RIMS1: variants seen among roughly 807,000 people sequenced by gnomAD.
RIMS1 encodes regulating synaptic membrane exocytosis 1, also known as regulating synaptic membrane exocytosis protein 1.
In RIMS1, 83 loss-of-function variants were observed where a neutral mutation model predicts 214.1. That is an observed-to-expected ratio of 0.39 (90% confidence interval 0.32 to 0.47). The LOEUF is 0.47. RIMS1 is among the 20% of genes least tolerant of loss of function. RIMS1 has a pLI of 0.99. For synonymous variants in RIMS1, 793 were observed against 786.8 expected, an observed-to-expected ratio of 1.01 and a Z score of -0.13; for missense variants, 2,050 against 2,161.8, an observed-to-expected ratio of 0.95 and a Z score of 1.03.
chr6:72,273,416 A>T (rs886619172), intron 22 of RIMS1, among the ~76,000 whole-genome samples: 2 of 152,134 alleles, frequency 1.3e-5, no homozygotes, highest in African/African-American at 4.8e-5. Context: ...TAGAATTTTC[A>T]TATATAATAA....
At position 72,077,067 on chromosome 6, in the gene RIMS1, C is replaced by A. The variant is rs6900255; in HGVS notation, c.246-19882C>A. ...TGCCTCGTCTGCCCTGACCCAAGCT[C>A]TTTCCTGTCCAGCCTTTGCACGGGC... On this transcript the variant is annotated intron_variant, in intron 2 of 33. Transcript: ENST00000521978. 9.0e-3 allele frequency among the ~76,000 whole-genome samples: 1,376 copies of A among 152,278 alleles called. 19 individuals carry two copies. The highest frequency in any genetic ancestry group is 0.032 in the African/African-American group (1,309 of 41,540).
chr6:71,933,930 C>T (rs1311691805), intron 1 of RIMS1, among the ~76,000 whole-genome samples: 1 of 151,872 alleles, frequency 6.6e-6, no homozygotes, highest in Non-Finnish European at 1.5e-5. Context: ...AAAAGTCCAA[C>T]CTGAACCTCT....
chr6:72,298,230 T>C (rs1390706563), intron 26 of RIMS1, among the ~76,000 whole-genome samples: 1 of 151,992 alleles, frequency 6.6e-6, no homozygotes, highest in African/African-American at 2.4e-5. Context: ...CTCAAAGCAT[T>C]ACTAATGGTA....
Position 72,338,320 on chromosome 6 carries a change from T to A in RIMS1, c.4366+4485T>A, listed in dbSNP as rs527376475. Among the ~76,000 whole-genome samples, 12 of 152,134 alleles carry A rather than the reference T, an allele frequency of 7.9e-5. No homozygotes were observed. In the South Asian group the frequency reaches 2.3e-3, roughly 29 times the overall value. ...AGATGGTATCTGACTGTGGTTTTGA[T>A]TTGCATTTCTCTGATGGCCAGTGAT... On this transcript the variant is annotated intron_variant, in intron 29 of 33. Coordinates refer to ENST00000521978, the MANE Select transcript of RIMS1 (RefSeq NM_014989.7).
At chr6:72,106,004 T>C (rs1285951903) in intron 4 of RIMS1, among the ~76,000 whole-genome samples, 5 of 152,204 alleles carry the variant, frequency 3.3e-5, no homozygotes, top group African/African-American at 1.2e-4. Context: ...AAAAATATGT[T>C]CTAAAGCTTG....
At chr6:71,981,940 C>CT (rs67381172) in intron 2 of RIMS1, among the ~76,000 whole-genome samples, 77,924 of 148,664 alleles carry the variant, frequency 0.52, 20,516 homozygotes, top group East Asian at 0.82. Flanking sequence ...ATATAAATTG[C>CT]TTTTTTTTTT....
intron 4 of RIMS1, among the ~76,000 whole-genome samples, chr6:72,157,420 T>A (rs1410583024): frequency 7.1e-6 from 1 of 140,230 alleles, no homozygotes; most frequent in Admixed American, 7.4e-5. Flanking sequence ...ATTTGCCTAT[T>A]TTTTTATTTA....
chr6:71,918,071 A>G (rs1778956290), intron 1 of RIMS1, among the ~76,000 whole-genome samples: 1 of 152,120 alleles, frequency 6.6e-6, no homozygotes, highest in African/African-American at 2.4e-5. Context: ...AGTTTAGGGA[A>G]GTATTTGGGG....
chr6:71,965,407 T>G (rs1156382031), intron 1 of RIMS1, among the ~76,000 whole-genome samples: 1 of 152,198 alleles, frequency 6.6e-6, no homozygotes, highest in East Asian at 1.9e-4. Context: ...TTAGAATTTT[T>G]AATTCACATA....
chr6:72,158,311 T>A (rs2044726892), intron 4 of RIMS1, among the ~76,000 whole-genome samples: 2 of 141,192 alleles, frequency 1.4e-5, no homozygotes, highest in South Asian at 4.7e-4. Context: ...TATAATTGCA[T>A]TGTCTTTTCT....
chr6:72,386,622 C>T lies in RIMS1; in HGVS notation c.4367-3976C>T, dbSNP rs181106277. Among the ~76,000 whole-genome samples the T allele has an allele frequency of 3.4e-4, 52 of 152,142 alleles. 1 individual carries two copies. In the East Asian group the frequency reaches 9.8e-3, roughly 29 times the overall value. On this transcript the variant is annotated intron_variant, in intron 29 of 33. Transcript: ENST00000521978. ...CCTGCCCTGCTTAATCAGACCCTGG[C>T]TCCTTTTCAAACAAAATAATTCCCG...
chr6:72,047,042 A>G (rs1222693229), intron 2 of RIMS1, among the ~76,000 whole-genome samples: 6 of 152,128 alleles, frequency 3.9e-5, no homozygotes, highest in Middle Eastern at 3.2e-3. Context: ...GACCAAAAAA[A>G]GTCTGTTTTA....
At chr6:72,009,284 A>C (rs1180219600) in intron 2 of RIMS1, among the ~76,000 whole-genome samples, 1 of 152,232 alleles carries the variant, frequency 6.6e-6, no homozygotes. Flanking sequence ...AACAAGAACA[A>C]AGACACAACA....
At chr6:72,136,297 G>A (rs778356354) in intron 4 of RIMS1, among the ~76,000 whole-genome samples, 23 of 151,370 alleles carry the variant, frequency 1.5e-4, no homozygotes, top group Non-Finnish European at 2.8e-4. Context: ...ACAAAATAGA[G>A]GAAAATATTC....
At chr6:72,143,494 T>G (rs1302675154) in intron 4 of RIMS1, among the ~76,000 whole-genome samples, 1 of 152,140 alleles carries the variant, frequency 6.6e-6, no homozygotes, top group Non-Finnish European at 1.5e-5. Context: ...TTCCAGAAGG[T>G]AGATCTTGGT....
At chr6:71,969,581 G>A (rs554946848) in intron 2 of RIMS1, among the ~76,000 whole-genome samples, 1 of 152,290 alleles carries the variant, frequency 6.6e-6, no homozygotes, top group South Asian at 2.1e-4. Flanking sequence ...GGCTGAGGCG[G>A]GTGGATCACC....
intron 29 of RIMS1, among the ~76,000 whole-genome samples, chr6:72,359,862 T>C (rs763003083): frequency 4.6e-5 from 7 of 152,140 alleles, no homozygotes; most frequent in Non-Finnish European, 1.0e-4. Flanking sequence ...ATCTAAAGAA[T>C]TATTGTCCAA....
At chr6:72,118,886 T>C (rs1281729636) in intron 4 of RIMS1, among the ~76,000 whole-genome samples, 2 of 151,702 alleles carry the variant, frequency 1.3e-5, no homozygotes, top group Non-Finnish European at 3.0e-5. Flanking sequence ...GGGGAAAAGT[T>C]GAAAGCATTT....
chr6:71,969,044 C>G lies in RIMS1; in HGVS notation c.226C>G (p.Gln76Glu). ...CAAAACACCAAGAAATGCTGAAAAC[C>G]AGCCCCACCAACCTTCACCGTGAGT... is the stretch of plus-strand genomic sequence containing the variant. ...ACKTPRNAENQPHQPSPRLHQ... is the reference protein window; with the variant it reads ...ACKTPRNAENEPHQPSPRLHQ... The change falls in exon 2 of 34, where the codon CAG becomes GAG. Residue 76 changes from glutamine to glutamate, a missense_variant. By Grantham distance (29) the Gln-to-Glu change is conservative. This residue lies in a region of RIMS1 where 882 missense variants were observed against 828.9 expected (regional missense o/e 1.06). Coordinates refer to ENST00000521978, the MANE Select transcript of RIMS1 (RefSeq NM_014989.7). The G allele has an allele frequency of 6.2e-7, 1 of 1,613,984 alleles. No homozygotes were observed. The highest frequency in any genetic ancestry group is 1.7e-5 in the Admixed American group (1 of 60,024).
Sources: allele counts gnomAD v4.1 joint callset (sites outside exome capture counted in the v4.1 genomes callset), GRCh38; gene constraint gnomAD v4.1.1; regional missense constraint gnomAD v4.1.1; transcripts MANE v1.5; gene names NCBI Gene and HGNC (gene_info 2026-07-23, HGNC 2026-07-21).